The following TMEM229B variants were observed in gnomAD, a reference collection of about 807,000 sequenced individuals.
The protein encoded by TMEM229B is chromosome 14 open reading frame 83.
In TMEM229B, 6 loss-of-function variants were observed where a neutral mutation model predicts 13.7. The observed-to-expected ratio is 0.44, with a 90% CI of 0.24 to 0.86. TMEM229B has a LOEUF of 0.86. Among genes scored for constraint, TMEM229B ranks in the 40% least tolerant of loss-of-function variants. The pLI is 0.23. For synonymous variants in TMEM229B, 107 were observed against 102.1 expected, an observed-to-expected ratio of 1.05 and a Z score of -0.29; for missense variants, 170 against 236.0, an observed-to-expected ratio of 0.72 and a Z score of 1.83.
At chr14:67,532,840 T>C (rs1434605657) in intron 1 of TMEM229B, among the ~76,000 whole-genome samples, 1 of 152,242 alleles carries the variant, frequency 6.6e-6, no homozygotes, top group Non-Finnish European at 1.5e-5. Context: ...AGGAGAATGC[T>C]GGAACCTTTG....
intron 1 of TMEM229B, among the ~76,000 whole-genome samples, chr14:67,502,275 G>A (rs1374908778): frequency 6.6e-6 from 1 of 151,478 alleles, no homozygotes; most frequent in Non-Finnish European, 1.5e-5. Flanking sequence ...AGGTTGCAGT[G>A]AGCCGAGATC....
At chr14:67,480,348 C>T (rs2031507775) in intron 2 of TMEM229B, among the ~76,000 whole-genome samples, 1 of 152,132 alleles carries the variant, frequency 6.6e-6, no homozygotes. Context: ...ATATGGCCCT[C>T]AGGAGAACAA....
rs5809352 is a variant in TMEM229B at position 67,531,910 on chromosome 14, CAAAAAAAA to C, written c.-192+1718_-192+1725del. Among the ~76,000 whole-genome samples, 16 of 79,572 alleles carry C rather than the reference CAAAAAAAA, an allele frequency of 2.0e-4. No homozygotes were observed. In the South Asian group the frequency reaches 3.9e-3, roughly 20 times the overall value. The allele number at this position is 79,572 out of a possible 152,430, so 52.2% of individuals were successfully genotyped here. A position where few individuals can be genotyped will look rare whatever the true frequency, so the allele number is the denominator to read the frequency against. ...GAACAGAACAAGAAGAACCTATGTC[CAAAAAAAA>C]AAAAAAAAAAAAAGTGAATGAATGA... is the stretch of plus-strand genomic sequence containing the variant. On this transcript the variant is annotated intron_variant, in intron 1 of 2. Transcript: ENST00000554278.
chr14:67,514,535 T>C (rs1256326595), intron 1 of TMEM229B, among the ~76,000 whole-genome samples: 7 of 152,048 alleles, frequency 4.6e-5, no homozygotes, highest in African/African-American at 1.7e-4. Flanking sequence ...AGTTTTTCCA[T>C]GCACCCTGGG....
intron 2 of TMEM229B, among the ~76,000 whole-genome samples, chr14:67,483,099 C>T (rs755101179): frequency 7.2e-5 from 11 of 152,096 alleles, no homozygotes; most frequent in Non-Finnish European, 1.6e-4. Context: ...CAACCTCTGT[C>T]GCCCGGGTTC....
At chr14:67,481,152 T>C (rs2031561724) in intron 2 of TMEM229B, among the ~76,000 whole-genome samples, 1 of 151,856 alleles carries the variant, frequency 6.6e-6, no homozygotes, top group Admixed American at 6.6e-5. Flanking sequence ...AGTAGGCTGG[T>C]TTGATGTGGT....
chr14:67,533,824 C>T (rs965723914), upstream of TMEM229B: 1 of 152,120 alleles, frequency 6.6e-6, no homozygotes, highest in African/African-American at 2.4e-5. Flanking sequence ...TCAGGCTCGA[C>T]TCCTAGGAGC....
chr14:67,483,829 C>G (rs1006423209), intron 2 of TMEM229B, among the ~76,000 whole-genome samples: 8 of 152,194 alleles, frequency 5.3e-5, no homozygotes, highest in African/African-American at 1.9e-4. Flanking sequence ...AGAGGAGCAA[C>G]AGCCAGCATG....
rs1022581780 is a variant in TMEM229B at position 67,470,990 on chromosome 14, A to C, written c.*2430T>G. The C allele has an allele frequency of 2.0e-5, 3 of 152,236 alleles. No homozygotes were observed. Among genetic ancestry groups the C allele is most frequent in the Non-Finnish European group, 4.4e-5 (3 of 68,058 alleles). 9.4% of individuals were successfully genotyped at this position (152,236 alleles called of 1,614,324 possible). ...AAAAGCAAGAATTGAAGTCTGGGCT[A>C]TCCCTGGTGAGATCTGAACCTGTAG... On this transcript the variant is annotated 3_prime_UTR_variant, in exon 3 of 3. Transcript: ENST00000554480.
At position 67,473,254 on chromosome 14, in the gene TMEM229B, C is replaced by A; in HGVS notation, c.*166G>T. The A allele has an allele frequency of 1.1e-6, 1 of 907,138 alleles. No homozygotes were observed. The allele number at this position is 907,138 out of a possible 1,614,324, so 56.2% of individuals were successfully genotyped here. On this transcript the variant is annotated 3_prime_UTR_variant, in exon 3 of 3. Coordinates refer to ENST00000554480, the MANE Select transcript of TMEM229B (RefSeq NM_001348543.2). This position sits in a 1 kb window ranked among gnomAD's most constrained non-coding sequence, Gnocchi z 6.5. The stretch of plus-strand genomic sequence containing the variant: ...CCATCCCCCAACACCTGACCACGGC[C>A]CCCCAACACCGGCCCCCGCGGACGT...
At chr14:67,506,458 T>C (rs1194742843) in intron 1 of TMEM229B, among the ~76,000 whole-genome samples, 1 of 152,194 alleles carries the variant, frequency 6.6e-6, no homozygotes, top group African/African-American at 2.4e-5. Context: ...ACATAGCTAT[T>C]AAAATGAAAT....
upstream of TMEM229B, among the ~76,000 whole-genome samples, chr14:67,488,928 C>T (rs950820237): frequency 3.9e-5 from 6 of 152,152 alleles, no homozygotes; most frequent in Non-Finnish European, 8.8e-5. Flanking sequence ...AACTTAGTTG[C>T]AGGGAGGATG....
chr14:67,500,356 C>G (rs186188651), intron 1 of TMEM229B, among the ~76,000 whole-genome samples: 27 of 151,666 alleles, frequency 1.8e-4, no homozygotes, highest in African/African-American at 6.3e-4. Context: ...CGCCTGTAAT[C>G]CCAGCTACTC....
At chr14:67,485,041 T>C (rs1056831177) in intron 2 of TMEM229B, among the ~76,000 whole-genome samples, 1 of 152,222 alleles carries the variant, frequency 6.6e-6, no homozygotes, top group Non-Finnish European at 1.5e-5. Flanking sequence ...CTACTACAGA[T>C]GATATAACGA....
rs572482123 is a variant in TMEM229B, at chr14:67,473,946, G to T, written c.-18-5C>A. 77 of 1,581,482 alleles carry T rather than the reference G, an allele frequency of 4.9e-5. 1 individual carries two copies. The South Asian group carries it at 8.4e-4, about 17-fold the overall frequency. ...CATGGCGCCGACTGGGGCTGGCTGC[G>T]GGGGGCGCAAGAGAGACAGGTGAGG... On this transcript the variant is annotated splice_region_variant and splice_polypyrimidine_tract_variant and intron_variant, in intron 2 of 2. Coordinates refer to ENST00000554480, the MANE Select transcript of TMEM229B (RefSeq NM_001348543.2). The surrounding 1 kb of genome is among the most constrained non-coding windows in gnomAD (Gnocchi z 6.5).
In TMEM229B at chr14:67,476,837, C is replaced by T. The variant is rs180853006; in HGVS notation, c.-18-2896G>A. ...TGTCTCTCCCCTGCTCAAAAATGCT[C>T]GATAGTGGCTGGGCACAGTGGCTCA... On this transcript the variant is annotated intron_variant, in intron 2 of 2. Coordinates refer to ENST00000554480, the MANE Select transcript of TMEM229B (RefSeq NM_001348543.2). Among the ~76,000 whole-genome samples the T allele has an allele frequency of 9.1e-4, 138 of 151,908 alleles. 2 individuals carry two copies. In the East Asian group the frequency reaches 0.021, roughly 23 times the overall value.
intron 1 of TMEM229B, among the ~76,000 whole-genome samples, chr14:67,528,599 C>G (rs1442200669): frequency 6.6e-6 from 1 of 152,202 alleles, no homozygotes; most frequent in Non-Finnish European, 1.5e-5. Context: ...CTGGATTTAC[C>G]TGATCCTCAT....
intron 2 of TMEM229B, among the ~76,000 whole-genome samples, chr14:67,483,019 T>G (rs1442412722): frequency 2.6e-5 from 4 of 152,166 alleles, no homozygotes; most frequent in Non-Finnish European, 5.9e-5. Context: ...TTGTTTGTTT[T>G]TTGTTTTTTT....
intron 1 of TMEM229B, among the ~76,000 whole-genome samples, chr14:67,500,453 C>G (rs547978486): frequency 6.6e-6 from 1 of 151,986 alleles, no homozygotes; most frequent in African/African-American, 2.4e-5. Context: ...CCAATCAGGG[C>G]AACAAGAGTG....
Sources: allele counts gnomAD v4.1 joint callset (sites outside exome capture counted in the v4.1 genomes callset), GRCh38; gene constraint gnomAD v4.1.1; non-coding constraint Gnocchi (gnomAD v3.1); transcripts MANE v1.5; gene names NCBI Gene and HGNC (gene_info 2026-07-23, HGNC 2026-07-21).